Variants in TEX14 observed in about 807,000 individuals in gnomAD.
The protein encoded by TEX14 is inactive serine/threonine-protein kinase TEX14.
A neutral mutation model predicts 178.6 loss-of-function variants in TEX14; 168 were observed. The observed-to-expected ratio is 0.94, with a 90% CI of 0.83 to 1.07. The LOEUF (loss-of-function observed/expected upper bound fraction) is 1.07. Ranked by LOEUF, TEX14 falls within the 50% of genes least tolerant of loss-of-function variation. The probability of loss-of-function intolerance (pLI) is 0.00; values close to 1 mark genes in which losing one functional copy is unlikely to be tolerated. For synonymous variants in TEX14, 626 were observed against 634.1 expected, an observed-to-expected ratio of 0.99 and a Z score of 0.19; for missense variants, 1,730 against 1,753.6, an observed-to-expected ratio of 0.99 and a Z score of 0.24.
At chr17:58,597,161 G>A (rs1292361458) in intron 14 of TEX14, among the ~76,000 whole-genome samples, 1 of 152,104 alleles carries the variant, frequency 6.6e-6, no homozygotes, top group Non-Finnish European at 1.5e-5. Flanking sequence ...ACTTTGGGAG[G>A]CTGAGGCAGG....
intron 2 of TEX14, among the ~76,000 whole-genome samples, chr17:58,645,134 C>T (rs1270254281): frequency 1.3e-5 from 2 of 151,402 alleles, no homozygotes; most frequent in African/African-American, 4.9e-5. Context: ...TACAGGCCCA[C>T]GCCACCATAT....
At chr17:58,604,050 T>C (rs757528321) in intron 11 of TEX14, among the ~76,000 whole-genome samples, 1 of 151,982 alleles carries the variant, frequency 6.6e-6, no homozygotes, top group South Asian at 2.1e-4. Context: ...TGACACTGTT[T>C]ATACATCTAA....
At chr17:58,582,554 G>T (rs2144400995) in intron 19 of TEX14, among the ~76,000 whole-genome samples, 1 of 151,068 alleles carries the variant, frequency 6.6e-6, no homozygotes, top group East Asian at 1.9e-4. Context: ...ACCACACCCG[G>T]CCTGCAAATT....
intron 1 of TEX14, among the ~76,000 whole-genome samples, chr17:58,657,201 C>T (rs2143315242): frequency 6.6e-6 from 1 of 152,122 alleles, no homozygotes; most frequent in East Asian, 1.9e-4. Context: ...AACTCCTGGG[C>T]TCAAGTGATC....
At chr17:58,674,036 G>A (rs529010536) in intron 1 of TEX14, among the ~76,000 whole-genome samples, 1 of 152,286 alleles carries the variant, frequency 6.6e-6, no homozygotes, top group Admixed American at 6.5e-5. Context: ...CACTTTGGGA[G>A]GCCAAGGCGG....
At chr17:58,669,616 C>T (rs1212025215) in intron 1 of TEX14, among the ~76,000 whole-genome samples, 1 of 147,910 alleles carries the variant, frequency 6.8e-6, no homozygotes, top group South Asian at 2.2e-4. Context: ...TGCCTGTAAT[C>T]CCAGCTACTC....
At chr17:58,631,765 C>G (rs138598728) in intron 2 of TEX14, 3 of 151,948 alleles carry the variant, frequency 2.0e-5, no homozygotes, top group East Asian at 3.9e-4. Flanking sequence ...CTCGCGGTTT[C>G]CAGCGTTCTA....
At chr17:58,603,195 C>A (rs1171368027) in intron 11 of TEX14, among the ~76,000 whole-genome samples, 3 of 151,886 alleles carry the variant, frequency 2.0e-5, no homozygotes, top group Non-Finnish European at 4.4e-5. Context: ...TCCCCGCTGG[C>A]AGGGGAGCCC....
At chr17:58,599,720 T>A in intron 13 of TEX14, 54 bp from the exon 14 acceptor site, 1 of 1,445,400 alleles carries the variant, frequency 6.9e-7, no homozygotes, top group Non-Finnish European at 9.5e-7. Flanking sequence ...ATTTGGCAGC[T>A]AAGCAGCCTT....
intron 10 of TEX14, among the ~76,000 whole-genome samples, chr17:58,606,113 G>C (rs897544380): frequency 3.3e-5 from 5 of 152,084 alleles, no homozygotes; most frequent in African/African-American, 7.2e-5. Context: ...AGCACTCAAG[G>C]GTTCACTCAT....
chr17:58,573,025 G>T (rs751805237), intron 23 of TEX14, among the ~76,000 whole-genome samples, 156 bp downstream of exon 23: 25 of 152,204 alleles, frequency 1.6e-4, no homozygotes, highest in Non-Finnish European at 2.9e-4. Context: ...CCCGCCCCCT[G>T]GCCTACAATG....
intron 2 of TEX14, among the ~76,000 whole-genome samples, chr17:58,641,366 G>A (rs2046570814): frequency 6.6e-6 from 1 of 151,862 alleles, no homozygotes; most frequent in Non-Finnish European, 1.5e-5. Flanking sequence ...GCCAAGATTG[G>A]CCACTGCACT....
At chr17:58,563,650 TATATATATAGAG>T (rs2044324405) in intron 28 of TEX14, among the ~76,000 whole-genome samples, 2 of 25,736 alleles carry the variant, frequency 7.8e-5, no homozygotes, top group Admixed American at 5.1e-4. Context: ...TATATATATA[TATATATATAGAG>T]AGAGAGAGAG....
intron 19 of TEX14, among the ~76,000 whole-genome samples, chr17:58,580,445 G>T (rs182354722): frequency 1.9e-3 from 286 of 152,228 alleles, no homozygotes; most frequent in African/African-American, 6.7e-3. Context: ...CCGAGTAGCT[G>T]GGAATACAGG....
chr17:58,685,623 G>A (rs2047578063), intron 1 of TEX14, among the ~76,000 whole-genome samples: 1 of 151,494 alleles, frequency 6.6e-6, no homozygotes, highest in Non-Finnish European at 1.5e-5. Flanking sequence ...AAAGGAAGAA[G>A]GTAAAGAGGA....
intron 2 of TEX14, among the ~76,000 whole-genome samples, chr17:58,645,483 C>T (rs2046684238): frequency 6.6e-6 from 1 of 152,054 alleles, no homozygotes; most frequent in Non-Finnish European, 1.5e-5. Context: ...CTTGGCCTCC[C>T]GAGTAGCTGG....
chr17:58,607,611 G>C (rs2045640740), intron 10 of TEX14, among the ~76,000 whole-genome samples: 1 of 152,096 alleles, frequency 6.6e-6, no homozygotes, highest in Non-Finnish European at 1.5e-5. Context: ...CATTGGGCTG[G>C]GCCATCTCCA....
intron 21 of TEX14, among the ~76,000 whole-genome samples, chr17:58,574,460 G>A (rs549725327): frequency 8.5e-4 from 130 of 152,064 alleles, no homozygotes; most frequent in African/African-American, 2.8e-3. Context: ...GGTGGGTCAC[G>A]AGGTCAACAG....
At chr17:58,561,480 T>A in intron 29 of TEX14, 40 bp downstream of exon 29, 1 of 1,424,124 alleles carries the variant, frequency 7.0e-7, no homozygotes. Context: ...CCCCACTTCC[T>A]GAAAAAGAAG....
Sources: gnomAD v4.1 joint callset for allele counts (sites outside exome capture counted in the v4.1 genomes callset) on GRCh38, gnomAD v4.1.1 for gene constraint, MANE v1.5 for transcripts, NCBI Gene and HGNC (gene_info 2026-07-23, HGNC 2026-07-21) for gene names.